The following THSD7A variants were observed in gnomAD, a reference collection of about 807,000 sequenced individuals.
THSD7A encodes thrombospondin type-1 domain-containing protein 7A.
THSD7A carries 96 observed loss-of-function variants against 231.3 expected under a neutral mutation model. That is an observed-to-expected ratio of 0.41 (90% CI 0.35 to 0.49). THSD7A has a LOEUF of 0.49. THSD7A is among the 20% of genes least tolerant of loss of function. The pLI is 0.05. For synonymous variants in THSD7A, 940 were observed against 743.3 expected (o/e 1.26, Z -4.30); for missense variants, 2,290 against 2,070.2 (o/e 1.11, Z -2.06).
In THSD7A at chr7:11,636,804, A is replaced by G. The variant is rs369150699; in HGVS notation, c.348T>C (p.Asp116=). 3.3e-4 allele frequency: 527 copies of G among 1,613,958 alleles called. 1 individual carries two copies. In the African/African-American group the frequency reaches 5.7e-3, roughly 18 times the overall value. The change falls in exon 2 of 28, where the codon GAT becomes GAC. Residue 116 remains aspartate (D), a synonymous_variant. Coordinates refer to ENST00000423059, the MANE Select transcript of THSD7A (RefSeq NM_015204.3). This position sits in a 1 kb window ranked among gnomAD's most constrained non-coding sequence, Gnocchi z 10.0. Reference sequence around the variant, plus strand: ...TCCAGTCGTACAACTCTTTGTGCCAATCGCAAACTTTGAAACAATTCTGCT... The same window carrying G: ...TCCAGTCGTACAACTCTTTGTGCCAGTCGCAAACTTTGAAACAATTCTGCT... ...NNQQNCFKVC[D]WHKELYDWRL...
intron 23 of THSD7A, among the ~76,000 whole-genome samples, chr7:11,400,916 C>T (rs1431670807): frequency 6.6e-6 from 1 of 152,090 alleles, no homozygotes; most frequent in Non-Finnish European, 1.5e-5. Flanking sequence ...CTTTTGTTTT[C>T]GAGTCTTCGG....
intron 6 of THSD7A, among the ~76,000 whole-genome samples, chr7:11,501,266 T>C (rs949641321): frequency 3.3e-5 from 5 of 152,198 alleles, no homozygotes; most frequent in African/African-American, 1.2e-4. Context: ...AAACTCAGCA[T>C]TGGACCAAAT....
intron 6 of THSD7A, among the ~76,000 whole-genome samples, chr7:11,499,493 T>G (rs576056970): frequency 6.6e-6 from 1 of 152,018 alleles, no homozygotes; most frequent in Non-Finnish European, 1.5e-5. Flanking sequence ...ATGACAGAAA[T>G]AGAATTCATA....
At chr7:11,435,614 C>T (rs1784608531) in intron 13 of THSD7A, among the ~76,000 whole-genome samples, 1 of 152,026 alleles carries the variant, frequency 6.6e-6, no homozygotes, top group Non-Finnish European at 1.5e-5. Context: ...AAAGATGCCT[C>T]CTGCCTCCAC....
chr7:11,644,822 T>A (rs111666090), intron 1 of THSD7A, among the ~76,000 whole-genome samples: 2,673 of 152,054 alleles, frequency 0.018, 81 homozygotes, highest in African/African-American at 0.061. Context: ...CGATATCCTC[T>A]CATAACACTA....
chr7:11,491,081 T>A (rs1412362060), intron 6 of THSD7A, among the ~76,000 whole-genome samples: 1 of 152,062 alleles, frequency 6.6e-6, no homozygotes, highest in Non-Finnish European at 1.5e-5. Flanking sequence ...TTTTTCCGAA[T>A]TTTGCTTATG....
At chr7:11,775,395 C>T (rs1268591409) in intron 1 of THSD7A, among the ~76,000 whole-genome samples, 3 of 152,126 alleles carry the variant, frequency 2.0e-5, no homozygotes, top group African/African-American at 7.2e-5. Context: ...TGTACACCCG[C>T]GTTCATAGCA....
chr7:11,427,040 A>G (rs1373061472), intron 14 of THSD7A, among the ~76,000 whole-genome samples: 1 of 152,216 alleles, frequency 6.6e-6, no homozygotes, highest in Non-Finnish European at 1.5e-5. Flanking sequence ...GTCTATCAGT[A>G]TATTTATAGA....
intron 13 of THSD7A, among the ~76,000 whole-genome samples, chr7:11,437,363 C>T (rs1329188460): frequency 1.3e-5 from 2 of 152,120 alleles, no homozygotes; most frequent in Admixed American, 6.6e-5. Flanking sequence ...TATTTAAATT[C>T]GACCCTAGGC....
intron 13 of THSD7A, among the ~76,000 whole-genome samples, chr7:11,445,780 G>A (rs1018726185): frequency 2.6e-5 from 4 of 151,934 alleles, no homozygotes; most frequent in Non-Finnish European, 5.9e-5. Flanking sequence ...TAAGCTCTGG[G>A]GGACCGTTCT....
intron 1 of THSD7A, among the ~76,000 whole-genome samples, chr7:11,708,563 GA>G (rs1005154040): frequency 1.3e-5 from 2 of 150,654 alleles, no homozygotes; most frequent in African/African-American, 4.8e-5. Context: ...AATCTTTCAG[GA>G]ATTAGGTTTT....
chr7:11,490,195 T>G (rs1786830196), intron 6 of THSD7A, among the ~76,000 whole-genome samples: 1 of 152,070 alleles, frequency 6.6e-6, no homozygotes, highest in Non-Finnish European at 1.5e-5. Context: ...TTTGTTGTAA[T>G]CAATAATATC....
chr7:11,480,702 CAT>C (rs950790913), intron 7 of THSD7A, among the ~76,000 whole-genome samples: 3 of 152,084 alleles, frequency 2.0e-5, no homozygotes, highest in African/African-American at 7.2e-5. Flanking sequence ...ATGTAACACT[CAT>C]GTGCAAAGGC....
At chr7:11,605,181 C>CATGTATAT in intron 2 of THSD7A, among the ~76,000 whole-genome samples, 1 of 151,918 alleles carries the variant, frequency 6.6e-6, no homozygotes. Context: ...TCTATATGTA[C>CATGTATAT]ATGTATATAT....
chr7:11,415,775 T>A (rs1409118707), intron 17 of THSD7A, among the ~76,000 whole-genome samples: 1 of 152,222 alleles, frequency 6.6e-6, no homozygotes, highest in Admixed American at 6.5e-5. Flanking sequence ...TTTTCCCAGA[T>A]GTGTCCTAAA....
Position 11,470,004 on chromosome 7 carries a change from C to T in THSD7A, c.2253-10G>A, listed in dbSNP as rs764945020. ...AAGGCTTTCAGGACATCTAGAAAGG[C>T]AAAGGGGAATTATTAGGCTTCAATA... On this transcript the variant is annotated splice_polypyrimidine_tract_variant and intron_variant, in intron 8 of 27. Coordinates refer to ENST00000423059, the MANE Select transcript of THSD7A (RefSeq NM_015204.3). The T allele has an allele frequency of 2.6e-6, 4 of 1,535,556 alleles. No homozygotes were observed. Among genetic ancestry groups the T allele is most frequent in the Admixed American group, 3.7e-5 (2 of 53,862 alleles).
chr7:11,602,824 A>T (rs16869985), intron 2 of THSD7A, among the ~76,000 whole-genome samples: 1 of 151,420 alleles, frequency 6.6e-6, no homozygotes, highest in East Asian at 2.0e-4. Context: ...AATTATTACA[A>T]TACAAGATTG....
intron 9 of THSD7A, among the ~76,000 whole-genome samples, chr7:11,463,979 G>A (rs1785601668): frequency 6.6e-6 from 1 of 151,898 alleles, no homozygotes; most frequent in African/African-American, 2.4e-5. Context: ...TTTTTGCTTT[G>A]GTCACCAGAA....
At chr7:11,742,294 T>G (rs1384175625) in intron 1 of THSD7A, among the ~76,000 whole-genome samples, 4 of 151,920 alleles carry the variant, frequency 2.6e-5, no homozygotes, top group African/African-American at 9.7e-5. Context: ...TAAATTCAGG[T>G]TTTGTCTAGT....
Sources: gnomAD v4.1 joint callset for allele counts (sites outside exome capture counted in the v4.1 genomes callset) on GRCh38, gnomAD v4.1.1 for gene constraint, Gnocchi (gnomAD v3.1) non-coding constraint, MANE v1.5 for transcripts, NCBI Gene and HGNC (gene_info 2026-07-23, HGNC 2026-07-21) for gene names.